The following CADM2 variants were observed in gnomAD, a reference collection of about 807,000 sequenced individuals.
CADM2 encodes the protein cell adhesion molecule 2, also known as immunoglobulin superfamily member 4D.
In CADM2, 12 loss-of-function variants were observed where a neutral mutation model predicts 49.8. The observed-to-expected ratio is 0.24, with a 90% CI of 0.15 to 0.39. The LOEUF (loss-of-function observed/expected upper bound fraction) is 0.39, where lower values mean the gene tolerates loss of function less well. CADM2 is among the 10% of genes least tolerant of loss of function. The pLI, the probability that CADM2 is intolerant of heterozygous loss-of-function variation, is 1.00. For missense variants in CADM2, 378 were observed against 492.3 expected, an observed-to-expected ratio of 0.77 and a Z score of 2.20; for synonymous variants, 214 against 175.4, an observed-to-expected ratio of 1.22 and a Z score of -1.74.
chr3:85,404,344 T>G (rs1057392688), intron 1 of CADM2, among the ~76,000 whole-genome samples: 1 of 152,070 alleles, frequency 6.6e-6, no homozygotes, highest in Non-Finnish European at 1.5e-5. Context: ...GTGTATTGTG[T>G]ATGTGTTTAT....
At chr3:84,988,571 CA>C (rs1341829027) in intron 1 of CADM2, among the ~76,000 whole-genome samples, 2 of 152,196 alleles carry the variant, frequency 1.3e-5, no homozygotes, top group African/African-American at 2.4e-5. Flanking sequence ...CACACAATAT[CA>C]TTATACAGCT....
intron 1 of CADM2, among the ~76,000 whole-genome samples, chr3:85,178,409 T>A (rs1191131972): frequency 6.6e-6 from 1 of 151,878 alleles, no homozygotes; most frequent in Non-Finnish European, 1.5e-5. Flanking sequence ...ATTAATAAAT[T>A]GTTTGTTGAA....
intron 2 of CADM2, among the ~76,000 whole-genome samples, chr3:85,779,829 C>A (rs551563723): frequency 6.6e-6 from 1 of 152,160 alleles, no homozygotes; most frequent in South Asian, 2.1e-4. Context: ...CAATGAAAAA[C>A]TGAGTTTTTA....
intron 1 of CADM2, among the ~76,000 whole-genome samples, chr3:85,321,031 GAAT>G (rs959531283): frequency 8.1e-6 from 1 of 123,224 alleles, no homozygotes; most frequent in Non-Finnish European, 1.6e-5. Flanking sequence ...TTAAGTGAAA[GAAT>G]AATTAGATTA....
chr3:85,996,657 A>T (rs1333546939), intron 8 of CADM2, among the ~76,000 whole-genome samples: 1 of 152,130 alleles, frequency 6.6e-6, no homozygotes, highest in Non-Finnish European at 1.5e-5. Context: ...TGATCTAGTG[A>T]AAACTTTATT....
intron 1 of CADM2, among the ~76,000 whole-genome samples, chr3:85,097,015 A>ATTG (rs1404021251): frequency 6.6e-6 from 1 of 151,846 alleles, no homozygotes; most frequent in Non-Finnish European, 1.5e-5. Flanking sequence ...TATTATTATT[A>ATTG]TACTTTAAGT....
chr3:85,614,751 G>A (rs181137771), intron 1 of CADM2, among the ~76,000 whole-genome samples: 2 of 151,986 alleles, frequency 1.3e-5, no homozygotes, highest in African/African-American at 4.8e-5. Context: ...TGTAAAGACA[G>A]TGTTGACTCT....
At chr3:85,994,592 T>C (rs1336147923) in intron 8 of CADM2, 2 of 152,188 alleles carry the variant, frequency 1.3e-5, no homozygotes, top group African/African-American at 4.8e-5. Context: ...CTCACTAAGC[T>C]TCATCATTTC....
chr3:85,525,849 C>G (rs565490087), intron 1 of CADM2, among the ~76,000 whole-genome samples: 1 of 151,958 alleles, frequency 6.6e-6, no homozygotes, highest in Non-Finnish European at 1.5e-5. Flanking sequence ...TAGTTTACAT[C>G]TTTGATTTGT....
chr3:85,775,869 A>G (rs2070334858), intron 2 of CADM2, among the ~76,000 whole-genome samples: 1 of 151,928 alleles, frequency 6.6e-6, no homozygotes, highest in South Asian at 2.1e-4. Flanking sequence ...AATTACCTTT[A>G]AAATAATTCA....
At chr3:85,974,012 A>C (rs1203419014) in intron 8 of CADM2, among the ~76,000 whole-genome samples, 1 of 151,656 alleles carries the variant, frequency 6.6e-6, no homozygotes, top group African/African-American at 2.4e-5. Context: ...CTAATGAGGG[A>C]TTGGCTCAGA....
rs536171030 is a variant in CADM2, at chr3:85,901,374, G to T, written c.530-10999G>T. ...AGATAGATTATTTTACCTACATTAT[G>T]TTATAGTATAGATTACAGTTGGATC... On this transcript the variant is annotated intron_variant, in intron 5 of 9. Coordinates refer to ENST00000383699, the MANE Select transcript of CADM2 (RefSeq NM_001167675.2). Among the ~76,000 whole-genome samples, 11 of 152,250 alleles carry T rather than the reference G, an allele frequency of 7.2e-5. No individual in the cohort carries two copies. In the South Asian group the frequency reaches 2.3e-3, roughly 32 times the overall value.
intron 1 of CADM2, among the ~76,000 whole-genome samples, chr3:85,409,109 G>A (rs754688627): frequency 6.6e-6 from 1 of 152,026 alleles, no homozygotes; most frequent in African/African-American, 2.4e-5. Context: ...TGTTCTTCTA[G>A]CGTTTGGGAG....
At chr3:85,714,995 GA>G (rs551367356) in intron 1 of CADM2, among the ~76,000 whole-genome samples, 4 of 151,156 alleles carry the variant, frequency 2.6e-5, no homozygotes, top group East Asian at 1.9e-4. Flanking sequence ...ATCGTTCCTG[GA>G]AAAAAAATTA....
intron 1 of CADM2, among the ~76,000 whole-genome samples, chr3:85,600,654 T>A (rs1270386210): frequency 6.6e-6 from 1 of 150,824 alleles, no homozygotes; most frequent in Non-Finnish European, 1.5e-5. Context: ...TTTAAGTTGT[T>A]TTTTTTTTAA....
At chr3:85,576,180 A>C (rs1319832976) in intron 1 of CADM2, among the ~76,000 whole-genome samples, 1 of 152,190 alleles carries the variant, frequency 6.6e-6, no homozygotes, top group Non-Finnish European at 1.5e-5. Flanking sequence ...GTAAACATTA[A>C]ATTTATGTCT....
intron 1 of CADM2, among the ~76,000 whole-genome samples, chr3:85,442,794 T>G (rs962004097): frequency 6.6e-6 from 1 of 151,344 alleles, no homozygotes; most frequent in Non-Finnish European, 1.5e-5. Flanking sequence ...ATGAATATTT[T>G]GAAGAGAACT....
chr3:85,025,011 A>C (rs1052965522), intron 1 of CADM2, among the ~76,000 whole-genome samples: 1 of 150,304 alleles, frequency 6.7e-6, no homozygotes, highest in Non-Finnish European at 1.5e-5. Flanking sequence ...ATTCAGCCTT[A>C]AAAAAAAACA....
chr3:85,931,161 C>G (rs1477456199), intron 6 of CADM2, among the ~76,000 whole-genome samples: 1 of 151,676 alleles, frequency 6.6e-6, no homozygotes, highest in Non-Finnish European at 1.5e-5. Flanking sequence ...TCACGTGAGG[C>G]CAGGAGTTCG....
Sources: gnomAD v4.1 joint callset for allele counts (sites outside exome capture counted in the v4.1 genomes callset) on GRCh38, gnomAD v4.1.1 for gene constraint, MANE v1.5 for transcripts, NCBI Gene and HGNC (gene_info 2026-07-23, HGNC 2026-07-21) for gene names.